GSK3B: variants seen among roughly 807,000 people sequenced by gnomAD.
GSK3B encodes the protein glycogen synthase kinase-3 beta.
Under a neutral mutation model 56.4 loss-of-function variants are expected in GSK3B, and 15 were observed. The observed-to-expected ratio is 0.27, with a 90% confidence interval of 0.18 to 0.41. GSK3B has a LOEUF of 0.41. Ranked by LOEUF, GSK3B falls within the 10% of genes least tolerant of loss-of-function variation. GSK3B has a pLI of 1.00. For synonymous variants in GSK3B, 181 were observed against 188.9 expected, an observed-to-expected ratio of 0.96 and a Z score of 0.34; for missense variants, 300 against 513.4, an observed-to-expected ratio of 0.58 and a Z score of 4.02.
At chr3:120,003,793 T>C (rs1336642012) in intron 1 of GSK3B, among the ~76,000 whole-genome samples, 3 of 152,232 alleles carry the variant, frequency 2.0e-5, no homozygotes, top group Admixed American at 6.5e-5. Context: ...GATGGCTGAA[T>C]AGGAACAGTT....
chr3:120,017,295 T>C (rs1329030487), intron 1 of GSK3B, among the ~76,000 whole-genome samples: 1 of 152,168 alleles, frequency 6.6e-6, no homozygotes, highest in Non-Finnish European at 1.5e-5. Context: ...ACATCAACCT[T>C]GAGCAGCCAG....
intron 2 of GSK3B, among the ~76,000 whole-genome samples, chr3:119,986,064 G>A (rs1188528687): frequency 6.6e-6 from 1 of 152,114 alleles, no homozygotes; most frequent in Non-Finnish European, 1.5e-5. Context: ...TGACAAACCT[G>A]AGAAAAACAA....
chr3:119,858,499 C>T (rs562560830), intron 9 of GSK3B, among the ~76,000 whole-genome samples: 1 of 152,318 alleles, frequency 6.6e-6, no homozygotes, highest in South Asian at 2.1e-4. Flanking sequence ...TTGTAGCTTC[C>T]TCACCTCTCT....
At chr3:119,861,510 CAA>C (rs550145796) in intron 9 of GSK3B, among the ~76,000 whole-genome samples, 1 of 74,044 alleles carries the variant, frequency 1.4e-5, no homozygotes, top group Non-Finnish European at 2.9e-5. Flanking sequence ...GACTCCGTCT[CAA>C]AAAAAAAAAA....
chr3:119,986,651 T>G (rs926699499), intron 2 of GSK3B, among the ~76,000 whole-genome samples: 1 of 152,164 alleles, frequency 6.6e-6, no homozygotes, highest in African/African-American at 2.4e-5. Flanking sequence ...TCACGCCAGT[T>G]AGAATGGCGG....
chr3:119,879,324 G>C (rs2056352458), intron 7 of GSK3B, among the ~76,000 whole-genome samples: 1 of 152,052 alleles, frequency 6.6e-6, no homozygotes, highest in African/African-American at 2.4e-5. Flanking sequence ...GGGACTACAG[G>C]TGCCCACCAC....
chr3:120,032,006 A>C (rs1162551954), intron 1 of GSK3B, among the ~76,000 whole-genome samples: 1 of 152,220 alleles, frequency 6.6e-6, no homozygotes, highest in Non-Finnish European at 1.5e-5. Flanking sequence ...TCACTACATG[A>C]GCTATTGAAC....
intron 1 of GSK3B, chr3:120,029,771 T>C (rs2057959555): frequency 1.8e-6 from 1 of 555,518 alleles, no homozygotes; most frequent in South Asian, 1.4e-5. Context: ...ATGTTACTTA[T>C]GGTCATTAAC....
intron 7 of GSK3B, among the ~76,000 whole-genome samples, chr3:119,889,294 C>T (rs1732168): frequency 0.47 from 71,146 of 151,864 alleles, 19,844 homozygotes; most frequent in Non-Finnish European, 0.61. Context: ...CTCAGCCAGC[C>T]GACACTCATG....
chr3:119,853,226 A>G (rs1029883906), intron 9 of GSK3B, among the ~76,000 whole-genome samples: 1 of 152,114 alleles, frequency 6.6e-6, no homozygotes, highest in Non-Finnish European at 1.5e-5. Flanking sequence ...CAAAGATCAG[A>G]TGGTTGTAGA....
chr3:119,862,866 C>T (rs574060107), intron 9 of GSK3B, among the ~76,000 whole-genome samples: 2 of 152,196 alleles, frequency 1.3e-5, no homozygotes, highest in East Asian at 1.9e-4. Flanking sequence ...GCACAAAGTT[C>T]GTTTCCCTTT....
At chr3:119,913,050 G>T (rs781386399) in intron 5 of GSK3B, among the ~76,000 whole-genome samples, 2 of 152,016 alleles carry the variant, frequency 1.3e-5, no homozygotes, top group Non-Finnish European at 2.9e-5. Context: ...ACCTAAGAAG[G>T]CACCAAAAGC....
At chr3:119,915,833 T>C (rs889525469) in intron 5 of GSK3B, among the ~76,000 whole-genome samples, 12 of 152,284 alleles carry the variant, frequency 7.9e-5, no homozygotes, top group Admixed American at 4.6e-4. Context: ...AAGGAAATAA[T>C]TCCTAAAAGT....
intron 9 of GSK3B, among the ~76,000 whole-genome samples, chr3:119,845,173 G>C (rs1315783373): frequency 6.6e-6 from 1 of 152,026 alleles, no homozygotes; most frequent in East Asian, 1.9e-4. Flanking sequence ...AAAATAGTAA[G>C]AGCTATTTAT....
At chr3:119,907,963 A>G (rs1162415031) in intron 6 of GSK3B, among the ~76,000 whole-genome samples, 1 of 152,228 alleles carries the variant, frequency 6.6e-6, no homozygotes, top group Non-Finnish European at 1.5e-5. Flanking sequence ...TGTCAGTAAG[A>G]TAATATAATC....
At chr3:119,980,973 G>A (rs1362882229) in intron 2 of GSK3B, among the ~76,000 whole-genome samples, 2 of 152,108 alleles carry the variant, frequency 1.3e-5, no homozygotes, top group Non-Finnish European at 2.9e-5. Context: ...TTATAAAAGG[G>A]AATTTATACA....
At chr3:119,917,168 T>G (rs898219039) in intron 4 of GSK3B, among the ~76,000 whole-genome samples, 1 of 152,156 alleles carries the variant, frequency 6.6e-6, no homozygotes, top group African/African-American at 2.4e-5. Context: ...AAAAGTCTAA[T>G]GAAGCATTGA....
At chr3:120,019,555 C>T (rs2057855470) in intron 1 of GSK3B, among the ~76,000 whole-genome samples, 1 of 152,314 alleles carries the variant, frequency 6.6e-6, no homozygotes, top group African/African-American at 2.4e-5. Flanking sequence ...TCTTTCCTAT[C>T]TTTTTTACCT....
intron 1 of GSK3B, among the ~76,000 whole-genome samples, chr3:120,038,055 A>T (rs1212392785): frequency 2.0e-5 from 3 of 152,204 alleles, no homozygotes; most frequent in African/African-American, 7.2e-5. Context: ...CTAAAAATAC[A>T]TTTACATACA....
Sources: gnomAD v4.1 joint callset for allele counts (sites outside exome capture counted in the v4.1 genomes callset) on GRCh38, gnomAD v4.1.1 for gene constraint, MANE v1.5 for transcripts, NCBI Gene and HGNC (gene_info 2026-07-23, HGNC 2026-07-21) for gene names.